TPD52: variants seen among roughly 807,000 people sequenced by gnomAD.
The protein encoded by TPD52 is tumor protein D52.
In TPD52, 17 loss-of-function variants were observed where a neutral mutation model predicts 31.3. That is an observed-to-expected ratio of 0.54 (90% CI 0.37 to 0.82). TPD52 has a LOEUF of 0.82. Ranked by LOEUF, TPD52 falls within the 40% of genes least tolerant of loss-of-function variation. The probability of loss-of-function intolerance (pLI) is 0.00; values close to 1 mark genes in which losing one functional copy is unlikely to be tolerated. For synonymous variants in TPD52, 83 were observed against 89.6 expected, an observed-to-expected ratio of 0.93 and a Z score of 0.42; for missense variants, 212 against 240.1, an observed-to-expected ratio of 0.88 and a Z score of 0.77.
intron 1 of TPD52, among the ~76,000 whole-genome samples, chr8:80,107,806 G>A (rs1450941202): frequency 6.6e-6 from 1 of 151,970 alleles, no homozygotes; most frequent in Non-Finnish European, 1.5e-5. Flanking sequence ...AATAAAGCTA[G>A]TTTTTAAATT....
At chr8:80,159,609 T>C (rs887653628) in intron 1 of TPD52, among the ~76,000 whole-genome samples, 1 of 152,222 alleles carries the variant, frequency 6.6e-6, no homozygotes, top group Non-Finnish European at 1.5e-5. Flanking sequence ...ATTTGTAACG[T>C]AGGGATACTG....
At chr8:80,109,201 G>T (rs1018285757) in intron 1 of TPD52, among the ~76,000 whole-genome samples, 1 of 152,142 alleles carries the variant, frequency 6.6e-6, no homozygotes, top group Non-Finnish European at 1.5e-5. Flanking sequence ...GGTACTGCAG[G>T]TGAAGTCTAA....
At chr8:80,133,130 T>C (rs1302114547) in intron 1 of TPD52, among the ~76,000 whole-genome samples, 1 of 152,232 alleles carries the variant, frequency 6.6e-6, no homozygotes, top group African/African-American at 2.4e-5. Context: ...CCTTTTTTCC[T>C]GCATTTGTAA....
At chr8:80,105,563 A>G (rs1807041386) in intron 1 of TPD52, among the ~76,000 whole-genome samples, 1 of 151,966 alleles carries the variant, frequency 6.6e-6, no homozygotes, top group Non-Finnish European at 1.5e-5. Context: ...TCGGTTTTTG[A>G]GCCATGAGTC....
chr8:80,039,296 A>G (rs979322604), intron 7 of TPD52, among the ~76,000 whole-genome samples: 14 of 152,166 alleles, frequency 9.2e-5, no homozygotes, highest in African/African-American at 3.4e-4. Context: ...CCTTCCCCCG[A>G]CAACTAGCCC....
intron 1 of TPD52, among the ~76,000 whole-genome samples, chr8:80,106,724 T>C (rs1412701875): frequency 2.7e-5 from 4 of 149,368 alleles, no homozygotes; most frequent in Admixed American, 6.7e-5. Context: ...GGATAGGACA[T>C]GAGGAAAGCC....
intron 1 of TPD52, among the ~76,000 whole-genome samples, chr8:80,132,534 G>A (rs762112949): frequency 8.5e-5 from 13 of 152,128 alleles, no homozygotes; most frequent in African/African-American, 1.2e-4. Flanking sequence ...CGGTTGCCGT[G>A]AAAATTAACT....
At chr8:80,095,144 GATA>G (rs1816637705) in intron 1 of TPD52, among the ~76,000 whole-genome samples, 1 of 151,930 alleles carries the variant, frequency 6.6e-6, no homozygotes, top group Non-Finnish European at 1.5e-5. Context: ...TAGGTGAATG[GATA>G]ATAAACTGTG....
At position 80,035,334 on chromosome 8, in the gene TPD52, T is replaced by A. The variant is rs1427083908; in HGVS notation, c.*2782A>T. The A allele has an allele frequency of 6.6e-6, 1 of 152,180 alleles. No homozygotes were observed. The highest frequency in any genetic ancestry group is 1.5e-5 in the Non-Finnish European group (1 of 68,032). The allele number at this position is 152,180 out of a possible 1,614,324, so 9.4% of individuals were successfully genotyped here. A position where few individuals can be genotyped will look rare whatever the true frequency, so the allele number is the denominator to read the frequency against. On this transcript the variant is annotated 3_prime_UTR_variant, in exon 8 of 8. Coordinates refer to ENST00000518937, the MANE Select transcript of TPD52 (RefSeq NM_001025253.3). ...TCTGACAAATGACCTTAATGTAGGATCTCTTTGGACACATCTTCAGCAAGC... is the reference window on the plus strand; with the variant it reads ...TCTGACAAATGACCTTAATGTAGGAACTCTTTGGACACATCTTCAGCAAGC...
intron 1 of TPD52, among the ~76,000 whole-genome samples, chr8:80,107,650 TC>T (rs1161853833): frequency 6.6e-6 from 1 of 152,152 alleles, no homozygotes; most frequent in African/African-American, 2.4e-5. Flanking sequence ...ATTTATAAAA[TC>T]CTTTAATGGA....
At chr8:80,075,454 T>C (rs1275106498) in intron 1 of TPD52, among the ~76,000 whole-genome samples, 5 of 151,936 alleles carry the variant, frequency 3.3e-5, no homozygotes, top group African/African-American at 1.2e-4. Context: ...GAAGGTTACC[T>C]CCCAAAGCTT....
At chr8:80,048,311 A>G (rs1811067166) in intron 5 of TPD52, among the ~76,000 whole-genome samples, 1 of 152,208 alleles carries the variant, frequency 6.6e-6, no homozygotes, top group Admixed American at 6.5e-5. Context: ...GACTATGTAA[A>G]ATAAAAACTG....
chr8:80,050,284 C>G, intron 5 of TPD52, 161 bp downstream of exon 5: 1 of 538,712 alleles, frequency 1.9e-6, no homozygotes, highest in Non-Finnish European at 3.1e-6. Flanking sequence ...ACAAGAAACC[C>G]TCCCTTGAAA....
intron 1 of TPD52, among the ~76,000 whole-genome samples, chr8:80,116,036 A>C (rs1385837746): frequency 6.6e-6 from 1 of 152,246 alleles, no homozygotes; most frequent in Non-Finnish European, 1.5e-5. Context: ...TGCAAACTCT[A>C]TAAAGGATAA....
chr8:80,088,602 G>A (rs1431234572), intron 1 of TPD52, among the ~76,000 whole-genome samples: 1 of 152,126 alleles, frequency 6.6e-6, no homozygotes, highest in African/African-American at 2.4e-5. Context: ...CGAGGGGAGA[G>A]GGAAGTCAGG....
At chr8:80,053,516 C>T in intron 2 of TPD52, 86 bp from the exon 3 acceptor site, 2 of 1,382,444 alleles carry the variant, frequency 1.4e-6, no homozygotes, top group Admixed American at 2.2e-5. Flanking sequence ...TCCAAAATTC[C>T]AGTCATTAAA....
In TPD52 at chr8:80,156,439, G is replaced by A. The variant is rs140117718; in HGVS notation, c.19+14986C>T. On this transcript the variant is annotated intron_variant, in intron 1 of 7. Coordinates refer to ENST00000518937, the MANE Select transcript of TPD52 (RefSeq NM_001025253.3). ...ACAAAGGCCAGCCCATATTCAAGGA[G>A]AGGGGAATCAGAACACCTTTTGGAG... Among the ~76,000 whole-genome samples the A allele has an allele frequency of 3.9e-4, 59 of 152,294 alleles. No individual in the cohort carries two copies. The East Asian group carries it at 0.01, about 27-fold the overall frequency.
intron 1 of TPD52, among the ~76,000 whole-genome samples, chr8:80,076,812 C>T (rs1814599085): frequency 6.6e-6 from 1 of 152,074 alleles, no homozygotes; most frequent in Non-Finnish European, 1.5e-5. Flanking sequence ...GCTGGGACCA[C>T]AGACGTGTGC....
intron 1 of TPD52, chr8:80,080,703 C>A (rs1815177637): frequency 1.7e-6 from 2 of 1,171,190 alleles, no homozygotes; most frequent in Admixed American, 8.3e-5. Context: ...CTATTCACCA[C>A]CTGGTGTTAA....
Sources: allele counts gnomAD v4.1 joint callset (sites outside exome capture counted in the v4.1 genomes callset), GRCh38; gene constraint gnomAD v4.1.1; transcripts MANE v1.5; gene names NCBI Gene and HGNC (gene_info 2026-07-23, HGNC 2026-07-21).